COP1: variants seen among roughly 807,000 people sequenced by gnomAD.
The protein encoded by COP1 is COP1 E3 ubiquitin ligase, also known as E3 ubiquitin-protein ligase COP1.
A neutral mutation model predicts 101.3 loss-of-function variants in COP1; 24 were observed. That is an observed-to-expected ratio of 0.24 (90% CI 0.17 to 0.33). The LOEUF (loss-of-function observed/expected upper bound fraction) is 0.33, where lower values mean the gene tolerates loss of function less well. Among genes scored for constraint, COP1 ranks in the 10% least tolerant of loss-of-function variants. COP1 has a pLI of 1.00. For missense variants in COP1, 663 were observed against 906.2 expected (o/e 0.73, Z 3.45); for synonymous variants, 347 against 341.9 (o/e 1.01, Z -0.17).
chr1:176,112,386 A>G (rs527890774), intron 9 of COP1, among the ~76,000 whole-genome samples: 1 of 152,242 alleles, frequency 6.6e-6, no homozygotes, highest in South Asian at 2.1e-4. Flanking sequence ...GTATATATAC[A>G]TGTGCCATGT....
At chr1:176,091,526 C>T (rs1681306416) in intron 9 of COP1, among the ~76,000 whole-genome samples, 2 of 151,820 alleles carry the variant, frequency 1.3e-5, no homozygotes, top group South Asian at 4.2e-4. Context: ...AAGAATAAGA[C>T]AAAAAATTAT....
chr1:176,070,795 A>T (rs1456599726), intron 11 of COP1, among the ~76,000 whole-genome samples: 1 of 152,162 alleles, frequency 6.6e-6, no homozygotes, highest in African/African-American at 2.4e-5. Flanking sequence ...CTACAGGTGC[A>T]CACCACAGGC....
At chr1:175,953,860 T>C (rs926904823) in intron 18 of COP1, among the ~76,000 whole-genome samples, 23 of 151,006 alleles carry the variant, frequency 1.5e-4, no homozygotes, top group African/African-American at 5.3e-4. Context: ...TTGGAACTTT[T>C]AACAGTCACC....
intron 3 of COP1, among the ~76,000 whole-genome samples, chr1:176,172,123 A>G (rs1435040821): frequency 6.6e-6 from 1 of 152,160 alleles, no homozygotes; most frequent in African/African-American, 2.4e-5. Context: ...ATCATAGCTC[A>G]CTGCAGCTTC....
At chr1:176,171,231 A>G (rs1259998977) in intron 3 of COP1, among the ~76,000 whole-genome samples, 4 of 152,006 alleles carry the variant, frequency 2.6e-5, no homozygotes, top group Non-Finnish European at 4.4e-5. Context: ...CTTCTGGATA[A>G]TTTGCTACAG....
intron 18 of COP1, among the ~76,000 whole-genome samples, chr1:175,982,030 G>A (rs903802423): frequency 1.2e-4 from 18 of 151,974 alleles, no homozygotes; most frequent in South Asian, 4.1e-4. Context: ...GATAACAAGC[G>A]TTGGCAAGAA....
intron 1 of COP1, among the ~76,000 whole-genome samples, chr1:176,185,264 G>A (rs1260232956): frequency 2.6e-5 from 4 of 152,230 alleles, no homozygotes; most frequent in Admixed American, 2.0e-4. Flanking sequence ...AAGTGAAATA[G>A]GTACCAACTA....
intron 14 of COP1, among the ~76,000 whole-genome samples, chr1:176,031,520 T>C (rs1668651387): frequency 6.6e-6 from 1 of 152,140 alleles, no homozygotes; most frequent in Non-Finnish European, 1.5e-5. Context: ...AAAGAAAAAG[T>C]AAATTTAAAA....
chr1:176,056,404 G>C (rs1673494330), intron 11 of COP1, among the ~76,000 whole-genome samples: 1 of 151,094 alleles, frequency 6.6e-6, no homozygotes, highest in Admixed American at 6.7e-5. Context: ...ACCACTAAAT[G>C]TGTTTATTTT....
intron 15 of COP1, among the ~76,000 whole-genome samples, chr1:175,995,941 C>G (rs1367592480): frequency 6.6e-6 from 1 of 151,970 alleles, no homozygotes; most frequent in Admixed American, 6.6e-5. Context: ...AGAGACACAA[C>G]CAAAAAAGAG....
chr1:176,053,482 T>C (rs542002574), intron 11 of COP1, among the ~76,000 whole-genome samples: 2 of 152,338 alleles, frequency 1.3e-5, no homozygotes, highest in African/African-American at 4.8e-5. Context: ...TAATTGTTAA[T>C]TATTTTAATA....
At chr1:176,029,396 G>A (rs1423963859) in intron 14 of COP1, among the ~76,000 whole-genome samples, 1 of 152,116 alleles carries the variant, frequency 6.6e-6, no homozygotes, top group African/African-American at 2.4e-5. Context: ...AAAATGAGTT[G>A]CCATTTTACA....
In COP1 at chr1:175,960,275, T is replaced by C. The variant is rs183404567; in HGVS notation, c.2134-13036A>G. Among the ~76,000 whole-genome samples, 175 of 152,300 alleles carry C rather than the reference T, an allele frequency of 1.1e-3. No homozygotes were observed. In the Middle Eastern group the frequency reaches 0.014, roughly 12 times the overall value. The stretch of plus-strand genomic sequence containing the variant: ...AGATTTCAATTCAAAGCTCTAACGC[T>C]TCTAGACTTTTCATTATGGGCAAGT... On this transcript the variant is annotated intron_variant, in intron 18 of 19. Transcript: ENST00000367669.
chr1:175,953,524 G>A (rs763516969), intron 18 of COP1, among the ~76,000 whole-genome samples: 1 of 152,094 alleles, frequency 6.6e-6, no homozygotes, highest in Non-Finnish European at 1.5e-5. Flanking sequence ...TTGGGAGGCT[G>A]AGGTGGGAGG....
chr1:176,063,851 GA>G (rs1465447749), intron 11 of COP1, among the ~76,000 whole-genome samples: 1 of 152,146 alleles, frequency 6.6e-6, no homozygotes, highest in African/African-American at 2.4e-5. Flanking sequence ...TTAAACCAAT[GA>G]TGGATTGTCT....
chr1:176,205,550 A>G (rs1700751828), intron 1 of COP1, among the ~76,000 whole-genome samples: 1 of 152,210 alleles, frequency 6.6e-6, no homozygotes, highest in Non-Finnish European at 1.5e-5. Context: ...TACATGCCTA[A>G]TATTTGATCA....
chr1:176,052,731 C>A (rs1471043355), intron 11 of COP1, among the ~76,000 whole-genome samples: 2 of 152,178 alleles, frequency 1.3e-5, no homozygotes, highest in African/African-American at 4.8e-5. Context: ...CCAATAATTT[C>A]AACTTGTGCA....
chr1:176,180,740 A>G (rs1572716531), intron 2 of COP1, among the ~76,000 whole-genome samples: 1 of 152,232 alleles, frequency 6.6e-6, no homozygotes, highest in East Asian at 1.9e-4. Context: ...AGTAATCAGA[A>G]AATTCTAGAA....
intron 5 of COP1, among the ~76,000 whole-genome samples, chr1:176,154,643 G>T (rs1693177876): frequency 1.3e-5 from 2 of 152,056 alleles, no homozygotes; most frequent in Non-Finnish European, 2.9e-5. Context: ...GAGGGTAGAG[G>T]GTGGGAAGAG....
Sources: gnomAD v4.1 joint callset for allele counts (sites outside exome capture counted in the v4.1 genomes callset) on GRCh38, gnomAD v4.1.1 for gene constraint, MANE v1.5 for transcripts, NCBI Gene and HGNC (gene_info 2026-07-23, HGNC 2026-07-21) for gene names.